The following TIAM2 variants were observed in gnomAD, a reference collection of about 807,000 sequenced individuals.
The protein encoded by TIAM2 is TIAM Rac1 associated GEF 2.
A neutral mutation model predicts 152.9 loss-of-function variants in TIAM2; 80 were observed. That is an observed-to-expected ratio of 0.52 (90% CI 0.44 to 0.63). The LOEUF (loss-of-function observed/expected upper bound fraction) is 0.63, where lower values mean the gene tolerates loss of function less well. Ranked by LOEUF, TIAM2 falls within the 30% of genes least tolerant of loss-of-function variation. TIAM2 has a pLI of 0.00. For missense variants in TIAM2, 1,965 were observed against 2,120.1 expected (o/e 0.93, Z 1.44); for synonymous variants, 804 against 838.0 (o/e 0.96, Z 0.70).
intron 1 of TIAM2, among the ~76,000 whole-genome samples, chr6:155,039,383 C>A (rs1583163748): frequency 6.6e-6 from 1 of 152,106 alleles, no homozygotes; most frequent in Non-Finnish European, 1.5e-5. Flanking sequence ...TCTGTCTTCC[C>A]CTGAGTCTGA....
intron 2 of TIAM2, among the ~76,000 whole-genome samples, chr6:155,110,111 G>T (rs1056057360): frequency 6.6e-6 from 1 of 151,756 alleles, no homozygotes; most frequent in African/African-American, 2.4e-5. Context: ...ACTACGCCCG[G>T]CTAATTTTTT....
chr6:155,226,941 G>A (rs1437258294), intron 15 of TIAM2, among the ~76,000 whole-genome samples: 1 of 152,176 alleles, frequency 6.6e-6, no homozygotes. Context: ...CCTTGAGTTG[G>A]CTCTGACTGT....
chr6:155,029,447 AG>A lies in TIAM2; in HGVS notation c.-209+33956del, dbSNP rs1354480433. ...TATACTATAGTATATATTATACTAT[AG>A]TATATATTATATATAATATATACTA... On this transcript the variant is annotated intron_variant, in intron 1 of 26. Transcript: ENST00000682666. Among the ~76,000 whole-genome samples, 11 of 44,858 alleles carry A rather than the reference AG, an allele frequency of 2.5e-4. 1 individual carries two copies. Among genetic ancestry groups the A allele is most frequent in the African/African-American group, 8.5e-4 (8 of 9,358 alleles). The allele number at this position is 44,858 out of a possible 152,430, so 29.4% of individuals were successfully genotyped here.
At chr6:155,128,428 A>AAG (rs1417457973) in intron 3 of TIAM2, among the ~76,000 whole-genome samples, 1 of 152,090 alleles carries the variant, frequency 6.6e-6, no homozygotes. Flanking sequence ...TTTTGAGCAA[A>AAG]AGTCTCTCAA....
At chr6:155,245,491 G>A (rs1305743628) in intron 18 of TIAM2, 132 bp from the exon 19 acceptor site, 4 of 715,980 alleles carry the variant, frequency 5.6e-6, no homozygotes, top group Non-Finnish European at 7.1e-6. Flanking sequence ...CTGTGTGGAT[G>A]GAGCAGGTTT....
intron 1 of TIAM2, among the ~76,000 whole-genome samples, chr6:155,015,490 AAG>A (rs1170395464): frequency 6.6e-6 from 1 of 152,174 alleles, no homozygotes; most frequent in Non-Finnish European, 1.5e-5. Context: ...AGGATGTGCA[AAG>A]AGAGGCAAAA....
At chr6:155,254,941 AGGG>A in intron 26 of TIAM2, 2 of 174,788 alleles carry the variant, frequency 1.1e-5, no homozygotes, top group South Asian at 1.7e-4. Context: ...CCTTACACAG[AGGG>A]TCTCCACCTT....
rs1275430828 is a variant in TIAM2, at chr6:155,237,206, C to A, written c.3169-3324C>A. ...TCCAGGCCCCATGCAATTCCGAAATCCAGCAGGACAGTGAAATCTTAAAGC... is the reference window on the plus strand; with the variant it reads ...TCCAGGCCCCATGCAATTCCGAAATACAGCAGGACAGTGAAATCTTAAAGC... On this transcript the variant is annotated intron_variant, in intron 15 of 26. Transcript: ENST00000682666. 5.3e-5 allele frequency among the ~76,000 whole-genome samples: 8 copies of A among 152,260 alleles called. No homozygotes were observed. The South Asian group carries it at 1.4e-3, about 28-fold the overall frequency.
chr6:155,086,773 C>T (rs1778180640), intron 1 of TIAM2, among the ~76,000 whole-genome samples: 1 of 150,912 alleles, frequency 6.6e-6, no homozygotes, highest in South Asian at 2.1e-4. Context: ...GCAGCTTCCT[C>T]TTTAACTCAA....
chr6:155,016,450 A>C (rs964129219), intron 1 of TIAM2: 3 of 137,222 alleles, frequency 2.2e-5, no homozygotes, highest in African/African-American at 7.7e-5. Flanking sequence ...GCTTGGGAGG[A>C]GAGAGATTGG....
At chr6:155,117,447 C>T (rs2115017435) in intron 2 of TIAM2, among the ~76,000 whole-genome samples, 1 of 152,258 alleles carries the variant, frequency 6.6e-6, no homozygotes, top group East Asian at 1.9e-4. Context: ...GTCATATTCT[C>T]TCTCTTCCCC....
intron 12 of TIAM2, among the ~76,000 whole-genome samples, chr6:155,180,615 T>A (rs1780880413): frequency 6.6e-6 from 1 of 152,180 alleles, no homozygotes; most frequent in South Asian, 2.1e-4. Context: ...ATTTTTTATT[T>A]TTTTTGAGAC....
At chr6:155,240,381 G>C (rs964426928) in intron 15 of TIAM2, 149 bp from the exon 16 acceptor site, 2 of 718,210 alleles carry the variant, frequency 2.8e-6, no homozygotes, top group African/African-American at 3.5e-5. Flanking sequence ...AGCCAGAGGG[G>C]TTTGAGGTGA....
At chr6:155,017,828 A>G (rs1321423914) in intron 1 of TIAM2, among the ~76,000 whole-genome samples, 1 of 152,002 alleles carries the variant, frequency 6.6e-6, no homozygotes, top group Non-Finnish European at 1.5e-5. Context: ...TTGTAGATAA[A>G]GTCCAAACTT....
At chr6:155,055,337 G>C (rs1777422140) in intron 1 of TIAM2, among the ~76,000 whole-genome samples, 1 of 152,114 alleles carries the variant, frequency 6.6e-6, no homozygotes, top group African/African-American at 2.4e-5. Context: ...GTTCTCCAAA[G>C]AAAACTAATA....
chr6:155,068,469 T>C (rs183558465), intron 1 of TIAM2, among the ~76,000 whole-genome samples: 1 of 152,162 alleles, frequency 6.6e-6, no homozygotes, highest in Non-Finnish European at 1.5e-5. Context: ...TAGAGTCTCC[T>C]CTGTTGCCCA....
At chr6:155,078,379 C>G (rs1047962529) in intron 1 of TIAM2, among the ~76,000 whole-genome samples, 1 of 152,174 alleles carries the variant, frequency 6.6e-6, no homozygotes. Context: ...GCACAAGTGA[C>G]AGCTTGGCCT....
In TIAM2 at chr6:155,257,568, T is replaced by A; in HGVS notation, c.*447T>A. On this transcript the variant is annotated 3_prime_UTR_variant, in exon 27 of 27. Transcript: ENST00000682666. ...GTTTAGGGGCAAAATGTGCAGATAC[T>A]TCATTTTTGTAAGATAGATTGTAAT... The A allele has an allele frequency of 2.8e-6, 1 of 358,908 alleles. No individual in the cohort carries two copies. Among genetic ancestry groups the A allele is most frequent in the Non-Finnish European group, 4.5e-6 (1 of 220,916 alleles). 22.2% of individuals were successfully genotyped at this position (358,908 alleles called of 1,614,324 possible).
intron 19 of TIAM2, among the ~76,000 whole-genome samples, chr6:155,247,208 G>A (rs34322707): frequency 6.6e-6 from 1 of 152,224 alleles, no homozygotes; most frequent in Non-Finnish European, 1.5e-5. Context: ...ACCCTTAAGT[G>A]TACAGAATAC....
Sources: gnomAD v4.1 joint callset for allele counts (sites outside exome capture counted in the v4.1 genomes callset) on GRCh38, gnomAD v4.1.1 for gene constraint, MANE v1.5 for transcripts, NCBI Gene and HGNC (gene_info 2026-07-23, HGNC 2026-07-21) for gene names.